Variants in RAB33A observed in about 807,000 individuals in gnomAD.
RAB33A encodes the protein RAB33A, member RAS oncogene family.
Under a neutral mutation model 12.0 loss-of-function variants are expected in RAB33A, and 6 were observed. That is an observed-to-expected ratio of 0.50 (90% CI 0.27 to 0.99). The LOEUF is 0.99. Ranked by LOEUF, RAB33A falls within the 50% of genes least tolerant of loss-of-function variation. The pLI, the probability that RAB33A is intolerant of heterozygous loss-of-function variation, is 0.11. For missense variants in RAB33A, 109 were observed against 192.0 expected, an observed-to-expected ratio of 0.57 and a Z score of 2.55; for synonymous variants, 70 against 82.4, an observed-to-expected ratio of 0.85 and a Z score of 0.81.
the RAB33A span, chrX:130,136,302 T>C: frequency 4.8e-6 from 4 of 836,972 alleles, no homozygotes; most frequent in African/African-American, 8.1e-5. Flanking sequence ...ATGGGTTAAC[T>C]TACCTCTGAT....
At chrX:130,129,872 G>T in the RAB33A span, 1 of 1,037,075 alleles carries the variant, frequency 9.6e-7, no homozygotes, top group Non-Finnish European at 1.4e-6. Context: ...ATTTGACCTG[G>T]CCGGGGGACA....
At chrX:130,113,327 C>T in the RAB33A span, among the ~76,000 whole-genome samples, 5 of 109,689 alleles carry the variant, frequency 4.6e-5, no homozygotes, top group East Asian at 2.8e-4. Context: ...GTCATCCACC[C>T]GCCTCGGCCT....
the RAB33A span, chrX:130,149,463 A>G: frequency 1.7e-6 from 2 of 1,194,974 alleles, no homozygotes; most frequent in Admixed American, 4.3e-5. Flanking sequence ...TTAAGGGAAT[A>G]CTCACCAGAT....
the RAB33A span, among the ~76,000 whole-genome samples, chrX:130,123,424 G>A: frequency 7.2e-5 from 8 of 111,484 alleles, no homozygotes; most frequent in East Asian, 5.6e-4. Flanking sequence ...GGCCAGGCAC[G>A]GTGGCTCACG....
Position 130,184,268 on chromosome X carries a change from G to A in RAB33A, c.259-17G>A. 1.7e-6 allele frequency: 2 copies of A among 1,195,821 alleles called. No homozygotes were observed. Among genetic ancestry groups the A allele is most frequent in the Non-Finnish European group, 1.1e-6 (1 of 884,791 alleles). On this transcript the variant is annotated splice_polypyrimidine_tract_variant and intron_variant, in intron 1 of 1. Transcript: ENST00000257017. ...TTCCCTTTTCTGACTCCACCTTTGGGTTTTTGTATCTTCCAGGTTCAGGTG... is the reference window on the plus strand; with the variant it reads ...TTCCCTTTTCTGACTCCACCTTTGGATTTTTGTATCTTCCAGGTTCAGGTG...
the RAB33A span, among the ~76,000 whole-genome samples, chrX:130,115,663 A>AG: frequency 0.13 from 12,900 of 99,413 alleles, 808 homozygotes; most frequent in Non-Finnish European, 0.16. Context: ...GAAAGAGAGA[A>AG]AGAGAGAGAG....
rs73556267 is a variant in RAB33A at position 130,176,370 on chromosome X, C to T, written c.258+4050C>T. 5.1e-3 allele frequency among the ~76,000 whole-genome samples: 574 copies of T among 111,714 alleles called. 3 individuals are homozygous for T. The highest frequency in any genetic ancestry group is 0.018 in the African/African-American group (537 of 30,681). On this transcript the variant is annotated intron_variant, in intron 1 of 1. Coordinates refer to ENST00000257017, the MANE Select transcript of RAB33A (RefSeq NM_004794.3). ...GTATATTTGCATGGAAGCTTCACTT[C>T]TGTCTATAATAGTTTGGTTCCTCCC...
the RAB33A span, chrX:130,138,514 G>A: frequency 1.4e-6 from 1 of 720,198 alleles, no homozygotes; most frequent in Non-Finnish European, 2.2e-6. Flanking sequence ...TACTGATCCT[G>A]CCAAACACAT....
the RAB33A span, among the ~76,000 whole-genome samples, chrX:130,130,713 G>A: frequency 8.9e-6 from 1 of 112,164 alleles, no homozygotes. Flanking sequence ...AAGTTCTATT[G>A]GACAGTGCTA....
the RAB33A span, chrX:130,136,123 A>C: frequency 3.2e-4 from 386 of 1,210,236 alleles, 2 homozygotes; most frequent in African/African-American, 6.2e-3. Flanking sequence ...CCAGGCCACC[A>C]GTCTTGGCCA....
At chrX:130,126,533 C>T in the RAB33A span, among the ~76,000 whole-genome samples, 1 of 110,672 alleles carries the variant, frequency 9.0e-6, no homozygotes, top group African/African-American at 3.3e-5. Context: ...ATTTGGACCC[C>T]AGGATCCTCA....
chrX:130,164,035 G>A, the RAB33A span, among the ~76,000 whole-genome samples: 1 of 108,468 alleles, frequency 9.2e-6, no homozygotes, highest in Admixed American at 9.9e-5. Flanking sequence ...GGGCGTGGTG[G>A]CGGGTGCCTG....
rs2031770637 is a variant in RAB33A at position 130,184,865 on chromosome X, A to G, written c.*125A>G. The G allele has an allele frequency of 1.6e-6, 1 of 633,668 alleles. No homozygotes were observed. The highest frequency in any genetic ancestry group is 2.4e-6 in the Non-Finnish European group (1 of 425,220). 52.2% of individuals were successfully genotyped at this position (633,668 alleles called of 1,213,427 possible). On this transcript the variant is annotated 3_prime_UTR_variant, in exon 2 of 2. Coordinates refer to ENST00000257017, the MANE Select transcript of RAB33A (RefSeq NM_004794.3). ...ATTGATATCAAAATAAAATTTGTAT[A>G]GATTATCACATGGCTTTTTGTCTTG...
the RAB33A span, among the ~76,000 whole-genome samples, chrX:130,163,908 C>T: frequency 9.3e-6 from 1 of 108,083 alleles, no homozygotes; most frequent in African/African-American, 3.4e-5. Flanking sequence ...GTAATCCCAG[C>T]GCTTTGGGAG....
chrX:130,135,608 T>TA, the RAB33A span, among the ~76,000 whole-genome samples: 6 of 110,562 alleles, frequency 5.4e-5, no homozygotes, highest in African/African-American at 2.0e-4. Flanking sequence ...TAATAGATTG[T>TA]AAAAAACAGC....
At chrX:130,125,352 A>T in the RAB33A span, among the ~76,000 whole-genome samples, 2 of 111,794 alleles carry the variant, frequency 1.8e-5, no homozygotes, top group African/African-American at 6.5e-5. Flanking sequence ...CCAGCCAGGC[A>T]GGGGAACGTC....
the RAB33A span, among the ~76,000 whole-genome samples, chrX:130,121,896 C>A: frequency 8.9e-6 from 1 of 112,335 alleles, no homozygotes; most frequent in Non-Finnish European, 1.9e-5. Flanking sequence ...TTCTTTAGAA[C>A]CACCTGTTCC....
chrX:130,123,612 G>A, the RAB33A span, among the ~76,000 whole-genome samples: 1 of 103,186 alleles, frequency 9.7e-6, no homozygotes, highest in African/African-American at 3.6e-5. Flanking sequence ...CAGGAGAATC[G>A]CTTGAACCCG....
the RAB33A span, chrX:130,138,548 T>C: frequency 1.6e-5 from 15 of 921,982 alleles, no homozygotes; most frequent in Admixed American, 2.2e-5. Flanking sequence ...AGAAAAGCTA[T>C]ATAAGACTAG....
Sources: gnomAD v4.1 joint callset for allele counts (sites outside exome capture counted in the v4.1 genomes callset) on GRCh38, gnomAD v4.1.1 for gene constraint, MANE v1.5 for transcripts, NCBI Gene and HGNC (gene_info 2026-07-23, HGNC 2026-07-21) for gene names.